Variants in GRM4 observed in about 807,000 individuals in gnomAD.
GRM4 encodes glutamate metabotropic receptor 4.
A neutral mutation model predicts 81.7 loss-of-function variants in GRM4; 28 were observed. The ratio of observed to expected loss-of-function variants is 0.34; its 90% CI spans 0.25 to 0.47. GRM4 has a LOEUF of 0.47. Ranked by LOEUF, GRM4 falls within the 20% of genes least tolerant of loss-of-function variation. GRM4 has a pLI of 1.00. For synonymous variants in GRM4, 488 were observed against 528.8 expected, an observed-to-expected ratio of 0.92 and a Z score of 1.06; for missense variants, 948 against 1,290.0, an observed-to-expected ratio of 0.73 and a Z score of 4.06.
At position 34,019,863 on chromosome 6, in the gene GRM4, G is replaced by C. The variant is rs896333291; in HGVS notation, c.*2958C>G. The C allele has an allele frequency of 5.9e-5, 9 of 152,220 alleles. No individual in the cohort carries two copies. The highest frequency in any genetic ancestry group is 2.2e-4 in the African/African-American group (9 of 41,422). 9.4% of individuals were successfully genotyped at this position (152,220 alleles called of 1,614,324 possible). A position where few individuals can be genotyped will look rare whatever the true frequency, so the allele number is the denominator to read the frequency against. ...GGGCCAGGCGTCCCTCCTGCCATGG[G>C]CATCAGGGCAGGTCCCACCCAGGCC... On this transcript the variant is annotated 3_prime_UTR_variant, in exon 11 of 11. Transcript: ENST00000538487.
At chr6:34,104,173 C>A (rs1387035826) in intron 2 of GRM4, among the ~76,000 whole-genome samples, 1 of 152,236 alleles carries the variant, frequency 6.6e-6, no homozygotes, top group Non-Finnish European at 1.5e-5. Flanking sequence ...TTAGGTCACA[C>A]CCAAATGTCC....
rs146480430 is a variant in GRM4, at chr6:34,116,267, G to A, written c.519+16711C>T. Reference sequence around the variant, plus strand: ...CCTCCCTCCACTGCTTTCTGAGCAAGCCTCAGTTTCCTCTCCTGTAAAATG... The same window carrying A: ...CCTCCCTCCACTGCTTTCTGAGCAAACCTCAGTTTCCTCTCCTGTAAAATG... On this transcript the variant is annotated intron_variant, in intron 2 of 10. Coordinates refer to ENST00000538487, the MANE Select transcript of GRM4 (RefSeq NM_000841.4). 1.2e-3 allele frequency among the ~76,000 whole-genome samples: 182 copies of A among 152,324 alleles called. 2 individuals are homozygous for A. In the Middle Eastern group the frequency reaches 0.017, roughly 14 times the overall value.
At chr6:34,024,381 G>A in intron 10 of GRM4, 1 of 262,264 alleles carries the variant, frequency 3.8e-6, no homozygotes. Flanking sequence ...AGCCAATGGA[G>A]CAACAAGATG....
At chr6:34,102,696 G>A (rs1768904573) in intron 2 of GRM4, among the ~76,000 whole-genome samples, 1 of 152,188 alleles carries the variant, frequency 6.6e-6, no homozygotes, top group Non-Finnish European at 1.5e-5. Context: ...ACATCAGCCT[G>A]GGGCTTCATG....
At chr6:34,103,876 G>A in intron 2 of GRM4, 3 of 1,403,226 alleles carry the variant, frequency 2.1e-6, no homozygotes, top group Non-Finnish European at 2.8e-6. Context: ...GGGAGAATGA[G>A]TGTTACAGAA....
At chr6:34,027,655 G>A (rs1472050568) in intron 10 of GRM4, among the ~76,000 whole-genome samples, 3 of 152,174 alleles carry the variant, frequency 2.0e-5, no homozygotes, top group East Asian at 1.9e-4. Flanking sequence ...CCACCCCACC[G>A]GGTTACCAAA....
chr6:34,134,800 C>T (rs949810225), intron 1 of GRM4, among the ~76,000 whole-genome samples: 1 of 152,150 alleles, frequency 6.6e-6, no homozygotes, highest in Non-Finnish European at 1.5e-5. Flanking sequence ...TTAAGATCAT[C>T]ATCATCATTA....
In GRM4 at chr6:34,059,188, C is replaced by T. The variant is rs1766059038; in HGVS notation, c.873-60G>A. On this transcript the variant is annotated intron_variant, in intron 4 of 10. Coordinates refer to ENST00000538487, the MANE Select transcript of GRM4 (RefSeq NM_000841.4). The surrounding 1 kb of genome is among the most constrained non-coding windows in gnomAD (Gnocchi z 5.7). ...TCTGTCCACGAAACTGCCCCCACTC[C>T]TGGCCACACTTGCTTTGGGCCCACG... The T allele has an allele frequency of 1.3e-6, 2 of 1,517,626 alleles. No individual in the cohort carries two copies. The highest frequency in any genetic ancestry group is 1.4e-5 in the African/African-American group (1 of 73,266). 94.0% of individuals were successfully genotyped at this position (1,517,626 alleles called of 1,614,324 possible).
chr6:34,044,448 A>G (rs1441743078), intron 6 of GRM4, among the ~76,000 whole-genome samples: 2 of 137,330 alleles, frequency 1.5e-5, no homozygotes, highest in Non-Finnish European at 3.1e-5. Flanking sequence ...ATACATACAC[A>G]TATATAGACA....
chr6:34,123,869 T>G (rs1769914002), intron 2 of GRM4, among the ~76,000 whole-genome samples: 1 of 152,108 alleles, frequency 6.6e-6, no homozygotes, highest in South Asian at 2.1e-4. Flanking sequence ...CCTTCCTCTC[T>G]CTGGTCTCCA....
intron 6 of GRM4, among the ~76,000 whole-genome samples, chr6:34,043,969 A>G (rs1765134288): frequency 6.6e-6 from 1 of 152,074 alleles, no homozygotes; most frequent in African/African-American, 2.4e-5. Context: ...TACCCCCAGT[A>G]GCATATGGAA....
upstream of GRM4, among the ~76,000 whole-genome samples, chr6:34,147,454 T>A (rs994424887): frequency 6.6e-6 from 1 of 152,212 alleles, no homozygotes; most frequent in Admixed American, 6.5e-5. Context: ...AGAGGCAGTG[T>A]TCTTGGGAAC....
At chr6:34,101,608 C>T (rs1037668581) in intron 2 of GRM4, among the ~76,000 whole-genome samples, 1 of 152,206 alleles carries the variant, frequency 6.6e-6, no homozygotes, top group African/African-American at 2.4e-5. Context: ...GGAGACCAGC[C>T]CTGCTTCCTC....
At chr6:34,101,641 A>C (rs1258869217) in intron 2 of GRM4, among the ~76,000 whole-genome samples, 1 of 151,720 alleles carries the variant, frequency 6.6e-6, no homozygotes, top group Non-Finnish European at 1.5e-5. Context: ...CCCCGCCTCC[A>C]CTCCTGGCTG....
chr6:34,151,383 G>A lies in GRM4; in HGVS notation c.312+3696C>T, dbSNP rs182353127. 3.5e-4 allele frequency among the ~76,000 whole-genome samples: 53 copies of A among 152,086 alleles called. No individual in the cohort carries two copies. The East Asian group carries it at 7.9e-3, about 23-fold the overall frequency. Reference sequence around the variant, plus strand: ...CACGATTTTCCAGCCTCTTTGCCTCGCTGCAATTTAAAACAACTTATCATC... The same window carrying A: ...CACGATTTTCCAGCCTCTTTGCCTCACTGCAATTTAAAACAACTTATCATC... On this transcript the variant is annotated intron_variant, in intron 1 of 8. Coordinates refer to the GRM4 transcript ENST00000374177.
chr6:34,028,417 C>T (rs1357363482), intron 9 of GRM4, 51 bp from the exon 10 acceptor site: 4 of 1,570,714 alleles, frequency 2.5e-6, no homozygotes, highest in Non-Finnish European at 3.4e-6. Context: ...GACTGAGGGC[C>T]CTGACTCCCG....
Position 34,047,647 on chromosome 6 carries a change from C to T in GRM4, c.1169-6899G>A, listed in dbSNP as rs1429035769. On this transcript the variant is annotated intron_variant, in intron 6 of 10. Coordinates refer to ENST00000538487, the MANE Select transcript of GRM4 (RefSeq NM_000841.4). The surrounding 1 kb of genome is among the most constrained non-coding windows in gnomAD (Gnocchi z 4.5). ...TTGGCTGGGTCTCCTCCATCCCTAG[C>T]TCTGTCCCCCACAACTCAGCCTTGG... Among the ~76,000 whole-genome samples, 1 of 152,210 alleles carries T rather than the reference C, an allele frequency of 6.6e-6. No homozygotes were observed. The highest frequency in any genetic ancestry group is 1.5e-5 in the Non-Finnish European group (1 of 68,040).
At chr6:34,033,667 C>CTCTT (rs199530279) in intron 9 of GRM4, among the ~76,000 whole-genome samples, 2,247 of 151,094 alleles carry the variant, frequency 0.015, 17 homozygotes, top group African/African-American at 0.019. Context: ...TTCTTTCTCT[C>CTCTT]TCTTTCTTTC....
intron 3 of GRM4, among the ~76,000 whole-genome samples, chr6:34,081,331 C>A (rs1355034460): frequency 6.6e-6 from 1 of 152,222 alleles, no homozygotes; most frequent in Non-Finnish European, 1.5e-5. Flanking sequence ...CATGACAGTT[C>A]ATGAACATGG....
Sources: allele counts gnomAD v4.1 joint callset (sites outside exome capture counted in the v4.1 genomes callset), GRCh38; gene constraint gnomAD v4.1.1; non-coding constraint Gnocchi (gnomAD v3.1); transcripts MANE v1.5; gene names NCBI Gene and HGNC (gene_info 2026-07-23, HGNC 2026-07-21).